DDC: variants seen among roughly 807,000 people sequenced by gnomAD.
DDC encodes the protein dopa decarboxylase.
A neutral mutation model predicts 60.0 loss-of-function variants in DDC; 43 were observed. The ratio of observed to expected loss-of-function variants is 0.72; its 90% CI spans 0.56 to 0.92. The LOEUF is 0.92. Among genes scored for constraint, DDC ranks in the 40% least tolerant of loss-of-function variants. The probability of loss-of-function intolerance (pLI) is 0.00; values close to 1 mark genes in which losing one functional copy is unlikely to be tolerated. For missense variants in DDC, 573 were observed against 620.2 expected (o/e 0.92, Z 0.81); for synonymous variants, 232 against 234.6 (o/e 0.99, Z 0.10).
intron 14 of DDC, among the ~76,000 whole-genome samples, chr7:50,459,202 G>T (rs551503943): frequency 6.6e-6 from 1 of 152,216 alleles, no homozygotes; most frequent in Non-Finnish European, 1.5e-5. Context: ...CGAGTGATCC[G>T]CCAGCCTCGG....
intron 1 of DDC, among the ~76,000 whole-genome samples, chr7:50,563,064 G>A (rs577611708): frequency 6.6e-6 from 1 of 151,894 alleles, no homozygotes; most frequent in South Asian, 2.1e-4. Flanking sequence ...CTACTCAGGA[G>A]GCTGAGGCAG....
In DDC at chr7:50,463,405, A is replaced by T. The variant is rs1434600782; in HGVS notation, c.1269T>A (p.Leu423=). Reference sequence around the variant, plus strand: ...TTTTGGCACTGTTTATTCTTTGCAGAAGAGCTTCATTCACTTTGTTGGAAC... The same window carrying T: ...TTTTGGCACTGTTTATTCTTTGCAGTAGAGCTTCATTCACTTTGTTGGAAC... The part of the protein sequence containing the change: ...LKGSNKVNEA[L]LQRINSAKKI... The change falls in exon 14 of 15, where the codon CTT becomes CTA. Residue 423 remains leucine, a synonymous_variant. Transcript: ENST00000444124. 2.5e-6 allele frequency: 4 copies of T among 1,614,066 alleles called. No homozygotes were observed. Among genetic ancestry groups the T allele is most frequent in the Non-Finnish European group, 3.4e-6 (4 of 1,180,034 alleles).
chr7:50,460,611 G>A lies in DDC; in HGVS notation c.*19-1768C>T, dbSNP rs948538245. 4.9e-4 allele frequency among the ~76,000 whole-genome samples: 74 copies of A among 151,736 alleles called. 5 individuals are homozygous for A. Among genetic ancestry groups the A allele is most frequent in the African/African-American group, 1.8e-3 (72 of 40,978 alleles). On this transcript the variant is annotated intron_variant, in intron 14 of 14. Transcript: ENST00000444124. ...TGGCGGTTTTGTGGAACAGAAAGGG[G>A]GGAAAGGCGGGGAAAGGATTGAGAA... is the stretch of plus-strand genomic sequence containing the variant.
At chr7:50,495,329 T>A (rs368539216) in intron 9 of DDC, 21 bp downstream of exon 9, 2 of 1,595,736 alleles carry the variant, frequency 1.3e-6, no homozygotes, top group African/African-American at 1.3e-5. Context: ...GCAACTGACA[T>A]CTGTGAGCAG....
chr7:50,510,911 G>C (rs905812711), intron 6 of DDC, among the ~76,000 whole-genome samples: 2 of 149,108 alleles, frequency 1.3e-5, no homozygotes, highest in African/African-American at 5.0e-5. Flanking sequence ...AACCTGGGAG[G>C]TGGAGTTTGC....
chr7:50,523,206 A>C (rs1027458891), intron 6 of DDC, among the ~76,000 whole-genome samples: 1 of 152,220 alleles, frequency 6.6e-6, no homozygotes, highest in Non-Finnish European at 1.5e-5. Context: ...TAAAGTACAA[A>C]ACTATAAATT....
At position 50,499,206 on chromosome 7, in the gene DDC, G is replaced by C. The variant is rs912448627; in HGVS notation, c.818C>G (p.Ala273Gly). 2 of 1,613,770 alleles carry C rather than the reference G, an allele frequency of 1.2e-6. No individual in the cohort carries two copies. The highest frequency in any genetic ancestry group is 1.7e-5 in the Admixed American group (1 of 60,002). Residue 273 changes from alanine to glycine, a missense_variant, in exon 8 of 15, where the codon GCC (alanine) becomes GGC (glycine). Physicochemically the swap from Ala to Gly is moderately conservative, Grantham distance 60. Coordinates refer to ENST00000444124, the MANE Select transcript of DDC (RefSeq NM_001082971.2). ...GCAGATGAATGCACTGCCTGCGTAG[G>C]CTGCATCAACGTGCAGCCATATGTC... ...KEDIWLHVDA[A>G]YAGSAFICPE... is the part of the protein sequence containing the mutation.
rs1196743969 is a variant in DDC at position 50,540,033 on chromosome 7, A to C, written c.202-5T>G. On this transcript the variant is annotated splice_region_variant and splice_polypyrimidine_tract_variant and intron_variant, in intron 2 of 14. Transcript: ENST00000444124. ...GGGGCTGTGCCAGTGCGTCACCTGC[A>C]TGGGAGGACAGAGCAGCTGCTGAGG... 6.2e-7 allele frequency: 1 copy of C among 1,608,074 alleles called. No homozygotes were observed. The highest frequency in any genetic ancestry group is 8.5e-7 in the Non-Finnish European group (1 of 1,175,676).
chr7:50,483,698 C>T lies in DDC; in HGVS notation c.945-3835G>A, dbSNP rs905152606. Among the ~76,000 whole-genome samples, 9 of 151,934 alleles carry T rather than the reference C, an allele frequency of 5.9e-5. No homozygotes were observed. The South Asian group carries it at 6.2e-4, about 11-fold the overall frequency. ...CGGGAGGATCACGAGGTCAGGAGAT[C>T]GAGACCATCCTGGCTAGCACAGTGA... On this transcript the variant is annotated intron_variant, in intron 9 of 14. Coordinates refer to ENST00000444124, the MANE Select transcript of DDC (RefSeq NM_001082971.2).
intron 6 of DDC, among the ~76,000 whole-genome samples, chr7:50,504,469 G>T (rs1312985900): frequency 6.6e-6 from 1 of 150,864 alleles, no homozygotes; most frequent in African/African-American, 2.4e-5. Flanking sequence ...TTTAATTAAC[G>T]TTCTATGTAA....
chr7:50,515,221 C>T (rs1263413479), intron 6 of DDC, among the ~76,000 whole-genome samples: 3 of 152,154 alleles, frequency 2.0e-5, no homozygotes, highest in African/African-American at 4.8e-5. Context: ...CAGCAGAAAC[C>T]CTACAAGCCA....
At chr7:50,550,547 T>C (rs2044958512) in intron 1 of DDC, among the ~76,000 whole-genome samples, 1 of 152,178 alleles carries the variant, frequency 6.6e-6, no homozygotes, top group African/African-American at 2.4e-5. Context: ...TGACACAGCC[T>C]CAGGAAGTCC....
intron 14 of DDC, among the ~76,000 whole-genome samples, chr7:50,462,936 A>G (rs893848826): frequency 3.9e-5 from 6 of 151,996 alleles, no homozygotes; most frequent in African/African-American, 1.5e-4. Flanking sequence ...CGCCCAGCTA[A>G]TTTTTGTATT....
At chr7:50,477,001 G>A (rs1207233010) in intron 10 of DDC, among the ~76,000 whole-genome samples, 6 of 152,074 alleles carry the variant, frequency 3.9e-5, no homozygotes. Flanking sequence ...TTCATGCATG[G>A]GAAGGTGAAT....
chr7:50,565,027 C>T (rs2153555198), intron 1 of DDC, among the ~76,000 whole-genome samples: 1 of 152,284 alleles, frequency 6.6e-6, no homozygotes, highest in African/African-American at 2.4e-5. Context: ...GCTACTGAGC[C>T]AGTCATGAAA....
At chr7:50,466,212 G>T (rs974171799) in intron 13 of DDC, among the ~76,000 whole-genome samples, 3 of 152,150 alleles carry the variant, frequency 2.0e-5, no homozygotes, top group Non-Finnish European at 4.4e-5. Context: ...TACCTCAGCC[G>T]GGCGCAGTGG....
chr7:50,494,446 G>A (rs1287863392), intron 9 of DDC, among the ~76,000 whole-genome samples: 1 of 152,022 alleles, frequency 6.6e-6, no homozygotes, highest in Non-Finnish European at 1.5e-5. Context: ...GGAGCTTGCA[G>A]TGAGCCAAGA....
In DDC at chr7:50,539,925, C is replaced by T; in HGVS notation, c.305G>A (p.Gly102Asp). ...DMLCGAIGCI[G>D]FSWAASPACT... ...CATCCGGACCCTCACCCAGGAGAAG[C>T]CGATGCAGCCAATGGCCCCGCACAG... The change falls in exon 3 of 15, where the codon GGC (glycine) becomes GAC (aspartate). Residue 102 changes from glycine to aspartate, a missense_variant. Transcript: ENST00000444124. 1 of 1,613,648 alleles carries T rather than the reference C, an allele frequency of 6.2e-7. No individual in the cohort carries two copies. The highest frequency in any genetic ancestry group is 2.2e-5 in the East Asian group (1 of 44,848).
chr7:50,499,169 C>G lies in DDC; in HGVS notation c.855G>C (p.Arg285=). The change falls in exon 8 of 15, where the codon CGG becomes CGC. Residue 285 remains arginine, a synonymous_variant. Coordinates refer to ENST00000444124, the MANE Select transcript of DDC (RefSeq NM_001082971.2). ...AGSAFICPEF[R]HLLNGVEFAD... Reference sequence around the variant, plus strand: ...CTACCTCCACTCCATTCAGAAGGTGCCGGAACTCAGGGCAGATGAATGCAC... The same window carrying G: ...CTACCTCCACTCCATTCAGAAGGTGGCGGAACTCAGGGCAGATGAATGCAC... 6.2e-7 allele frequency: 1 copy of G among 1,613,844 alleles called. No homozygotes were observed. The highest frequency in any genetic ancestry group is 8.5e-7 in the Non-Finnish European group (1 of 1,179,838).
Sources: allele counts gnomAD v4.1 joint callset (sites outside exome capture counted in the v4.1 genomes callset), GRCh38; gene constraint gnomAD v4.1.1; transcripts MANE v1.5; gene names NCBI Gene and HGNC (gene_info 2026-07-23, HGNC 2026-07-21).